KCNB2: variants seen among roughly 807,000 people sequenced by gnomAD.
KCNB2 encodes the protein delayed rectifier potassium channel protein.
Under a neutral mutation model 61.5 loss-of-function variants are expected in KCNB2, and 15 were observed. The observed-to-expected ratio is 0.24, with a 90% CI of 0.16 to 0.38. The LOEUF (loss-of-function observed/expected upper bound fraction) is 0.38. Among genes scored for constraint, KCNB2 ranks in the 10% least tolerant of loss-of-function variants. The probability of loss-of-function intolerance (pLI) is 1.00; values close to 1 mark genes in which losing one functional copy is unlikely to be tolerated. For missense variants in KCNB2, 828 were observed against 1,125.2 expected (o/e 0.74, Z 3.78); for synonymous variants, 457 against 446.0 (o/e 1.02, Z -0.31).
chr8:72,561,734 TCTATATATATATGTATATATATATATGG>T (rs1563523438), intron 1 of KCNB2, among the ~76,000 whole-genome samples: 2 of 16,140 alleles, frequency 1.2e-4, no homozygotes, highest in African/African-American at 1.4e-3. Flanking sequence ...TATATCTATA[TCTATATATATATGTATATATATATATGG>T]ATATATATAT....
intron 2 of KCNB2, among the ~76,000 whole-genome samples, chr8:72,666,790 A>G (rs1304521510): frequency 2.6e-5 from 4 of 152,016 alleles, no homozygotes; most frequent in Non-Finnish European, 4.4e-5. Flanking sequence ...AAAAATAGAA[A>G]GATTTTATAC....
chr8:72,693,874 G>A lies in KCNB2; in HGVS notation c.579+125561G>A, dbSNP rs143510715. 2.1e-3 allele frequency among the ~76,000 whole-genome samples: 321 copies of A among 152,270 alleles called. 3 individuals carry two copies. Among genetic ancestry groups the A allele is most frequent in the African/African-American group, 7.3e-3 (302 of 41,554 alleles). Reference sequence around the variant, plus strand: ...AAATCAGCAAATTATCCTAAATCTGGATTTCCCTCAAACATAATACTGTGC... The same window carrying A: ...AAATCAGCAAATTATCCTAAATCTGAATTTCCCTCAAACATAATACTGTGC... On this transcript the variant is annotated intron_variant, in intron 2 of 2. Coordinates refer to ENST00000523207, the MANE Select transcript of KCNB2 (RefSeq NM_004770.3).
At chr8:72,814,670 G>T (rs1809362493) in intron 2 of KCNB2, among the ~76,000 whole-genome samples, 2 of 152,112 alleles carry the variant, frequency 1.3e-5, no homozygotes, top group African/African-American at 2.4e-5. Context: ...GATGATAAAA[G>T]TCCGCTATTT....
At chr8:72,859,706 C>CATTT (rs1810264452) in intron 2 of KCNB2, among the ~76,000 whole-genome samples, 1 of 73,442 alleles carries the variant, frequency 1.4e-5, no homozygotes, top group Non-Finnish European at 2.4e-5. Flanking sequence ...TACTTCATTT[C>CATTT]GTTTTTTTTT....
intron 2 of KCNB2, among the ~76,000 whole-genome samples, chr8:72,926,081 C>A (rs112285093): frequency 0.052 from 7,886 of 152,052 alleles, 649 homozygotes; most frequent in African/African-American, 0.18. Context: ...AACAACACAC[C>A]CTGGGGCCTG....
At chr8:72,808,514 A>G (rs1243388769) in intron 2 of KCNB2, among the ~76,000 whole-genome samples, 1 of 152,206 alleles carries the variant, frequency 6.6e-6, no homozygotes, top group Non-Finnish European at 1.5e-5. Context: ...ACAAGAGTCA[A>G]TGTAATCTAG....
At chr8:72,861,590 C>G (rs182109950) in intron 2 of KCNB2, among the ~76,000 whole-genome samples, 1,720 of 152,242 alleles carry the variant, frequency 0.011, 115 homozygotes, top group Admixed American at 0.11. Flanking sequence ...GGAGGAGGCC[C>G]GAGCTGGTTT....
At chr8:72,769,099 G>T (rs1204242019) in intron 2 of KCNB2, among the ~76,000 whole-genome samples, 4 of 152,288 alleles carry the variant, frequency 2.6e-5, no homozygotes, top group South Asian at 2.1e-4. Flanking sequence ...GGCGGAGGTT[G>T]CAGTGAGCCG....
At chr8:72,889,189 C>CAACA (rs1339791340) in intron 2 of KCNB2, among the ~76,000 whole-genome samples, 1 of 152,116 alleles carries the variant, frequency 6.6e-6, no homozygotes, top group African/African-American at 2.4e-5. Flanking sequence ...AACCCCTTTG[C>CAACA]AACACATCAC....
chr8:72,550,325 T>C (rs956084922), intron 1 of KCNB2, among the ~76,000 whole-genome samples: 1 of 152,204 alleles, frequency 6.6e-6, no homozygotes, highest in Non-Finnish European at 1.5e-5. Context: ...CAGGTGCACA[T>C]TCAGCTAATA....
At chr8:72,687,706 A>C (rs1806873557) in intron 2 of KCNB2, among the ~76,000 whole-genome samples, 1 of 152,222 alleles carries the variant, frequency 6.6e-6, no homozygotes, top group Admixed American at 6.5e-5. Context: ...TTTTGACCTT[A>C]TGCAAGTGAT....
intron 2 of KCNB2, among the ~76,000 whole-genome samples, chr8:72,806,078 G>A (rs1809214265): frequency 6.6e-6 from 1 of 152,074 alleles, no homozygotes; most frequent in Admixed American, 6.6e-5. Context: ...AAAATGATGA[G>A]GCCAGACATG....
chr8:72,794,520 G>A (rs185063027), intron 2 of KCNB2, among the ~76,000 whole-genome samples: 23 of 142,592 alleles, frequency 1.6e-4, no homozygotes, highest in East Asian at 6.2e-4. Context: ...AGCTGAGATC[G>A]CGCCACTGCA....
At chr8:72,809,803 G>GTTATTAAAAATAATAA (rs1426622793) in intron 2 of KCNB2, among the ~76,000 whole-genome samples, 1 of 152,132 alleles carries the variant, frequency 6.6e-6, no homozygotes, top group Non-Finnish European at 1.5e-5. Context: ...ATCCTATCCT[G>GTTATTAAAAATAATAA]TCCTCTTTTT....
At chr8:72,791,112 G>C (rs1439338600) in intron 2 of KCNB2, among the ~76,000 whole-genome samples, 1 of 152,168 alleles carries the variant, frequency 6.6e-6, no homozygotes, top group East Asian at 1.9e-4. Context: ...GAAATGTTCA[G>C]AGTGATTAGT....
intron 2 of KCNB2, among the ~76,000 whole-genome samples, chr8:72,887,744 C>T (rs78974685): frequency 0.011 from 1,624 of 152,328 alleles, 32 homozygotes; most frequent in African/African-American, 0.037. Flanking sequence ...CTGCCATTCC[C>T]AGGTGGGATC....
chr8:72,809,591 T>C (rs910598615), intron 2 of KCNB2, among the ~76,000 whole-genome samples: 1 of 152,164 alleles, frequency 6.6e-6, no homozygotes, highest in Non-Finnish European at 1.5e-5. Flanking sequence ...AAATACATCT[T>C]TAAAACGAAT....
intron 2 of KCNB2, among the ~76,000 whole-genome samples, chr8:72,851,875 C>T (rs1209160975): frequency 2.3e-5 from 3 of 129,914 alleles, no homozygotes; most frequent in Non-Finnish European, 4.7e-5. Context: ...CCAGGATTTT[C>T]CCTACTGTCA....
intron 1 of KCNB2, among the ~76,000 whole-genome samples, chr8:72,539,846 C>T (rs191700813): frequency 6.6e-6 from 1 of 152,232 alleles, no homozygotes; most frequent in East Asian, 1.9e-4. Context: ...TTACTTTATC[C>T]ATTCCCTTCT....
Sources: allele counts gnomAD v4.1 joint callset (sites outside exome capture counted in the v4.1 genomes callset), GRCh38; gene constraint gnomAD v4.1.1; transcripts MANE v1.5; gene names NCBI Gene and HGNC (gene_info 2026-07-23, HGNC 2026-07-21).